Variants in COL19A1 observed in about 807,000 individuals in gnomAD.
COL19A1 encodes the protein collagen type XIX alpha 1 chain.
A neutral mutation model predicts 190.2 loss-of-function variants in COL19A1; 159 were observed. That is an observed-to-expected ratio of 0.84 (90% CI 0.73 to 0.95). COL19A1 has a LOEUF of 0.95. Among genes scored for constraint, COL19A1 ranks in the 40% least tolerant of loss-of-function variants. The probability of loss-of-function intolerance (pLI) is 0.00; values close to 1 mark genes in which losing one functional copy is unlikely to be tolerated. For missense variants in COL19A1, 1,418 were observed against 1,431.9 expected, an observed-to-expected ratio of 0.99 and a Z score of 0.16; for synonymous variants, 509 against 458.9, an observed-to-expected ratio of 1.11 and a Z score of -1.39.
chr6:70,127,386 G>A (rs1242364073), intron 17 of COL19A1, among the ~76,000 whole-genome samples: 4 of 152,156 alleles, frequency 2.6e-5, no homozygotes, highest in Admixed American at 1.3e-4. Context: ...TAAAAGGCCA[G>A]TTAGAGACTC....
intron 42 of COL19A1, 135 bp from the exon 43 acceptor site, chr6:70,180,177 C>A (rs1766079808): frequency 2.2e-6 from 2 of 926,982 alleles, no homozygotes; most frequent in Non-Finnish European, 3.3e-6. Context: ...TGAGCCACCA[C>A]ACCTGGCCAG....
chr6:70,143,944 C>T (rs1308377991), intron 23 of COL19A1, among the ~76,000 whole-genome samples: 2 of 152,022 alleles, frequency 1.3e-5, no homozygotes, highest in African/African-American at 2.4e-5. Context: ...CATCCTTCCT[C>T]GATGGCAATA....
At chr6:70,172,415 G>A (rs45486305) in intron 41 of COL19A1, among the ~76,000 whole-genome samples, 5,900 of 152,094 alleles carry the variant, frequency 0.039, 155 homozygotes, top group Non-Finnish European at 0.06. Flanking sequence ...ATTTCCTGAT[G>A]TATCCAAAGA....
chr6:70,121,144 T>C (rs564798297), intron 16 of COL19A1, among the ~76,000 whole-genome samples: 1 of 152,308 alleles, frequency 6.6e-6, no homozygotes, highest in South Asian at 2.1e-4. Flanking sequence ...TTGAATTACT[T>C]AATCTAAAAT....
At chr6:69,966,555 A>G (rs1420845103) in intron 11 of COL19A1, among the ~76,000 whole-genome samples, 2 of 152,172 alleles carry the variant, frequency 1.3e-5, no homozygotes. Flanking sequence ...TTTGTTAAAC[A>G]GATGCTTGAA....
intron 16 of COL19A1, among the ~76,000 whole-genome samples, chr6:70,115,904 G>GA (rs551523411): frequency 1.1e-4 from 16 of 139,776 alleles, no homozygotes; most frequent in Admixed American, 6.2e-4. Context: ...AGCATTCTCA[G>GA]AAAAAAAATC....
intron 4 of COL19A1, among the ~76,000 whole-genome samples, chr6:69,921,627 GATTCGTATAT>G (rs1036300031): frequency 7.1e-6 from 1 of 141,504 alleles, no homozygotes; most frequent in African/African-American, 2.7e-5. Flanking sequence ...TACGTATATA[GATTCGTATAT>G]ATTCGTATAT....
At chr6:70,039,339 T>C (rs1446936614) in intron 14 of COL19A1, among the ~76,000 whole-genome samples, 1 of 152,216 alleles carries the variant, frequency 6.6e-6, no homozygotes, top group African/African-American at 2.4e-5. Context: ...CTAGTATTTA[T>C]ATCAAAAACA....
At chr6:70,073,142 C>T (rs1312154991) in intron 15 of COL19A1, among the ~76,000 whole-genome samples, 2 of 152,182 alleles carry the variant, frequency 1.3e-5, no homozygotes, top group Middle Eastern at 3.4e-3. Context: ...CATGCACCAC[C>T]ATGCTTGGTG....
chr6:70,122,550 T>C (rs1202897641), intron 17 of COL19A1, among the ~76,000 whole-genome samples: 1 of 152,194 alleles, frequency 6.6e-6, no homozygotes, highest in African/African-American at 2.4e-5. Context: ...GGTGAGATCA[T>C]TGATTGATTC....
At chr6:69,972,054 C>G (rs540311626) in intron 11 of COL19A1, among the ~76,000 whole-genome samples, 3 of 152,306 alleles carry the variant, frequency 2.0e-5, no homozygotes, top group South Asian at 2.1e-4. Flanking sequence ...TTTTCTGCTT[C>G]TATTCCAGCC....
chr6:69,996,087 G>A (rs1434174888), intron 11 of COL19A1, among the ~76,000 whole-genome samples: 1 of 151,990 alleles, frequency 6.6e-6, no homozygotes, highest in Non-Finnish European at 1.5e-5. Context: ...GGCCTGATGA[G>A]GTCATCATTT....
chr6:70,143,799 T>C (rs1391357616), intron 23 of COL19A1, among the ~76,000 whole-genome samples: 1 of 151,960 alleles, frequency 6.6e-6, no homozygotes, highest in Non-Finnish European at 1.5e-5. Flanking sequence ...AAACTGAGAC[T>C]AAGTGATAGT....
chr6:69,866,987 T>C (rs1767488875), intron 1 of COL19A1, among the ~76,000 whole-genome samples: 2 of 152,052 alleles, frequency 1.3e-5, no homozygotes, highest in South Asian at 4.1e-4. Context: ...AGCGGAACTA[T>C]GGAGCACTGC....
intron 12 of COL19A1, among the ~76,000 whole-genome samples, chr6:70,025,845 A>C (rs1434075662): frequency 2.0e-5 from 3 of 152,240 alleles, no homozygotes; most frequent in African/African-American, 7.2e-5. Context: ...GTGGAAGGGA[A>C]GATACAGAGA....
Position 70,211,036 on chromosome 6 carries a change from C to T in COL19A1, c.*3762C>T, listed in dbSNP as rs2127540493. ...CTAAATAATTATCCTACTTTTTAGACAGGACAGATACTCTCAACAGACAAG... is the reference window on the plus strand; with the variant it reads ...CTAAATAATTATCCTACTTTTTAGATAGGACAGATACTCTCAACAGACAAG... On this transcript the variant is annotated 3_prime_UTR_variant, in exon 51 of 51. Transcript: ENST00000620364. Among the ~76,000 whole-genome samples the T allele has an allele frequency of 7.3e-6, 1 of 137,384 alleles. No homozygotes were observed. Among genetic ancestry groups the T allele is most frequent in the African/African-American group, 2.7e-5 (1 of 37,348 alleles). The allele number at this position is 137,384 out of a possible 152,430, so 90.1% of individuals were successfully genotyped here.
At chr6:69,983,885 A>G (rs987467610) in intron 11 of COL19A1, among the ~76,000 whole-genome samples, 2 of 152,034 alleles carry the variant, frequency 1.3e-5, no homozygotes, top group Non-Finnish European at 2.9e-5. Flanking sequence ...TTTTGCACCT[A>G]TGTTTATAAA....
At chr6:70,202,788 AC>A (rs1412426968) in intron 49 of COL19A1, among the ~76,000 whole-genome samples, 1 of 152,188 alleles carries the variant, frequency 6.6e-6, no homozygotes, top group Non-Finnish European at 1.5e-5. Context: ...GAAAAGAAAG[AC>A]CTTTTGGATT....
At chr6:70,143,271 G>A (rs1049456980) in intron 23 of COL19A1, among the ~76,000 whole-genome samples, 7 of 152,066 alleles carry the variant, frequency 4.6e-5, no homozygotes, top group African/African-American at 7.2e-5. Context: ...CAAGTCTTTT[G>A]GCTAAAAGTA....
Sources: allele counts gnomAD v4.1 joint callset (sites outside exome capture counted in the v4.1 genomes callset), GRCh38; gene constraint gnomAD v4.1.1; transcripts MANE v1.5; gene names NCBI Gene and HGNC (gene_info 2026-07-23, HGNC 2026-07-21).